Variants in CAMK1D observed in about 807,000 individuals in gnomAD.
CAMK1D encodes calcium/calmodulin-dependent protein kinase type 1D.
A neutral mutation model predicts 47.7 loss-of-function variants in CAMK1D; 9 were observed. That is an observed-to-expected ratio of 0.19 (90% confidence interval 0.11 to 0.33). CAMK1D has a LOEUF of 0.33. Among genes scored for constraint, CAMK1D ranks in the 10% least tolerant of loss-of-function variants. The pLI, the probability that CAMK1D is intolerant of heterozygous loss-of-function variation, is 1.00. For synonymous variants in CAMK1D, 184 were observed against 184.9 expected (o/e 0.99, Z 0.04); for missense variants, 291 against 488.7 (o/e 0.60, Z 3.81).
At chr10:12,745,824 G>A (rs761895107) in intron 3 of CAMK1D, among the ~76,000 whole-genome samples, 1 of 151,974 alleles carries the variant, frequency 6.6e-6, no homozygotes, top group Non-Finnish European at 1.5e-5. Context: ...GGCTGGTCTC[G>A]AACCGCTGAC....
chr10:12,520,055 C>T (rs1835353332), intron 1 of CAMK1D, among the ~76,000 whole-genome samples: 1 of 76,588 alleles, frequency 1.3e-5, no homozygotes, highest in African/African-American at 5.2e-5. Flanking sequence ...GGGCGGCTGG[C>T]CGGGTGGGGG....
At chr10:12,577,847 A>G (rs889766056) in intron 2 of CAMK1D, among the ~76,000 whole-genome samples, 4 of 152,142 alleles carry the variant, frequency 2.6e-5, no homozygotes, top group African/African-American at 7.2e-5. Context: ...CCTCCTTGTT[A>G]CCTTTGCTAA....
At chr10:12,359,233 A>T (rs910611550) in intron 1 of CAMK1D, among the ~76,000 whole-genome samples, 3 of 152,180 alleles carry the variant, frequency 2.0e-5, no homozygotes, top group African/African-American at 7.2e-5. Flanking sequence ...TGTGGTGAAG[A>T]TGAAATGAGG....
intron 3 of CAMK1D, chr10:12,760,675 A>G: frequency 2.9e-6 from 1 of 347,012 alleles, no homozygotes; most frequent in Admixed American, 3.9e-5. Flanking sequence ...ACATCATCAC[A>G]GCAGAACAGA....
intron 1 of CAMK1D, among the ~76,000 whole-genome samples, chr10:12,357,417 G>C (rs183133915): frequency 1.3e-5 from 2 of 152,232 alleles, no homozygotes; most frequent in African/African-American, 4.8e-5. Flanking sequence ...CCGGGTTCAA[G>C]TGATTCTCCT....
chr10:12,570,456 A>T (rs921574361), intron 2 of CAMK1D, among the ~76,000 whole-genome samples: 1 of 151,876 alleles, frequency 6.6e-6, no homozygotes, highest in South Asian at 2.1e-4. Flanking sequence ...AGATGGGTGG[A>T]TCACCTGAGG....
intron 1 of CAMK1D, among the ~76,000 whole-genome samples, 185 bp from the exon 2 acceptor site, chr10:12,553,040 G>T (rs1321043639): frequency 6.6e-6 from 1 of 152,132 alleles, no homozygotes; most frequent in African/African-American, 2.4e-5. Flanking sequence ...ACTGCGCCGG[G>T]CTGCCCCTGT....
chr10:12,635,273 C>T (rs1435815164), intron 2 of CAMK1D, among the ~76,000 whole-genome samples: 1 of 152,218 alleles, frequency 6.6e-6, no homozygotes, highest in African/African-American at 2.4e-5. Context: ...GATGGTACCA[C>T]TGAGAATCGT....
chr10:12,530,799 G>A (rs958723935), intron 1 of CAMK1D, among the ~76,000 whole-genome samples: 1 of 152,220 alleles, frequency 6.6e-6, no homozygotes, highest in African/African-American at 2.4e-5. Context: ...GCTCACGCCT[G>A]TAATCCCAGC....
chr10:12,419,958 CTT>C (rs35190654), intron 1 of CAMK1D, among the ~76,000 whole-genome samples: 3 of 145,628 alleles, frequency 2.1e-5, no homozygotes, highest in South Asian at 4.4e-4. Context: ...ATCTATGTAA[CTT>C]TTTTTTTTTT....
intron 1 of CAMK1D, among the ~76,000 whole-genome samples, chr10:12,513,304 A>G (rs549581707): frequency 6.6e-6 from 1 of 152,250 alleles, no homozygotes; most frequent in South Asian, 2.1e-4. Flanking sequence ...AGTTCTTTGG[A>G]CAGGCCATAA....
At chr10:12,766,594 A>C (rs1349154783) in intron 4 of CAMK1D, among the ~76,000 whole-genome samples, 1 of 152,074 alleles carries the variant, frequency 6.6e-6, no homozygotes, top group Non-Finnish European at 1.5e-5. Flanking sequence ...GTTAGAAAAA[A>C]AAATAATAAT....
At chr10:12,699,479 T>C (rs557731002) in intron 3 of CAMK1D, among the ~76,000 whole-genome samples, 1 of 152,290 alleles carries the variant, frequency 6.6e-6, no homozygotes, top group Non-Finnish European at 1.5e-5. Context: ...TCTCTGCTCT[T>C]GTCTGAAGCT....
Position 12,662,466 on chromosome 10 carries a change from C to T in CAMK1D, c.225-4270C>T, listed in dbSNP as rs148890773. On this transcript the variant is annotated intron_variant, in intron 2 of 10. Coordinates refer to ENST00000619168, the MANE Select transcript of CAMK1D (RefSeq NM_153498.4). ...CAGGGATGGAGACCATCCTGACTAACGCGGTGAAACCCTGTCTCTACTAAA... is the reference window on the plus strand; with the variant it reads ...CAGGGATGGAGACCATCCTGACTAATGCGGTGAAACCCTGTCTCTACTAAA... Among the ~76,000 whole-genome samples the T allele has an allele frequency of 5.6e-3, 859 of 152,216 alleles. 6 individuals are homozygous for T. The highest frequency in any genetic ancestry group is 0.019 in the African/African-American group (799 of 41,540).
At chr10:12,686,022 T>C (rs1418766366) in intron 3 of CAMK1D, among the ~76,000 whole-genome samples, 1 of 152,204 alleles carries the variant, frequency 6.6e-6, no homozygotes, top group Non-Finnish European at 1.5e-5. Context: ...GACACACAGT[T>C]TTCTGGATTA....
Position 12,828,923 on chromosome 10 carries a change from G to T in CAMK1D, c.*36G>T. 1 of 1,491,204 alleles carries T rather than the reference G, an allele frequency of 6.7e-7. No homozygotes were observed. Among genetic ancestry groups the T allele is most frequent in the Non-Finnish European group, 9.0e-7 (1 of 1,106,772 alleles). 92.4% of individuals were successfully genotyped at this position (1,491,204 alleles called of 1,614,324 possible). On this transcript the variant is annotated 3_prime_UTR_variant, in exon 11 of 11. Transcript: ENST00000619168. The stretch of plus-strand genomic sequence containing the variant: ...AGGTGGGGCCCGGGGTCGGGGCTGG[G>T]GAAGGGGAGCCCCAGGGTCGCCAGA...
chr10:12,705,099 A>G (rs1833679291), intron 3 of CAMK1D, among the ~76,000 whole-genome samples: 1 of 152,218 alleles, frequency 6.6e-6, no homozygotes, highest in Non-Finnish European at 1.5e-5. Flanking sequence ...GTCTTGACCC[A>G]TCACTGGATA....
At chr10:12,823,449 G>A (rs78182259) in intron 8 of CAMK1D, among the ~76,000 whole-genome samples, 3,328 of 152,186 alleles carry the variant, frequency 0.022, 122 homozygotes, top group African/African-American at 0.075. Flanking sequence ...AAGGCCAAGT[G>A]GATGCCTGTA....
intron 2 of CAMK1D, among the ~76,000 whole-genome samples, chr10:12,645,919 T>A (rs745706359): frequency 2.4e-4 from 36 of 152,114 alleles, no homozygotes; most frequent in Non-Finnish European, 4.9e-4. Context: ...GACTTTAAAC[T>A]ATTTTCATAC....
Sources: allele counts gnomAD v4.1 joint callset (sites outside exome capture counted in the v4.1 genomes callset), GRCh38; gene constraint gnomAD v4.1.1; transcripts MANE v1.5; gene names NCBI Gene and HGNC (gene_info 2026-07-23, HGNC 2026-07-21).